Variants in ROBO2 observed in about 807,000 individuals in gnomAD.
ROBO2 encodes the protein roundabout guidance receptor 2.
ROBO2 carries 53 observed loss-of-function variants against 160.8 expected under a neutral mutation model. The observed-to-expected ratio is 0.33, with a 90% CI of 0.26 to 0.41. The LOEUF (loss-of-function observed/expected upper bound fraction) is 0.41. Among genes scored for constraint, ROBO2 ranks in the 10% least tolerant of loss-of-function variants. The pLI, the probability that ROBO2 is intolerant of heterozygous loss-of-function variation, is 1.00. For missense variants in ROBO2, 1,577 were observed against 1,722.4 expected (o/e 0.92, Z 1.49); for synonymous variants, 664 against 611.7 (o/e 1.09, Z -1.26).
intron 2 of ROBO2, among the ~76,000 whole-genome samples, chr3:77,125,511 C>A (rs1276565842): frequency 6.6e-6 from 1 of 152,074 alleles, no homozygotes; most frequent in African/African-American, 2.4e-5. Flanking sequence ...CACTGATAGG[C>A]ACACAATATT....
At chr3:76,580,443 A>G (rs1332795697) in intron 2 of ROBO2, among the ~76,000 whole-genome samples, 7 of 144,048 alleles carry the variant, frequency 4.9e-5, no homozygotes, top group African/African-American at 7.7e-5. Context: ...CTACTACGTG[A>G]TCATACCATT....
chr3:77,280,569 A>T (rs185741396), intron 2 of ROBO2, among the ~76,000 whole-genome samples: 22 of 152,350 alleles, frequency 1.4e-4, no homozygotes, highest in Non-Finnish European at 2.4e-4. Flanking sequence ...ATAGACCTAC[A>T]GACATAAAAA....
At chr3:76,012,050 T>C (rs1214602469) in intron 2 of ROBO2, among the ~76,000 whole-genome samples, 1 of 152,228 alleles carries the variant, frequency 6.6e-6, no homozygotes, top group Non-Finnish European at 1.5e-5. Flanking sequence ...TTAGTAGCAA[T>C]ACAAACTCTT....
chr3:77,374,703 T>C (rs953994264), intron 2 of ROBO2, among the ~76,000 whole-genome samples: 4 of 152,222 alleles, frequency 2.6e-5, no homozygotes, highest in African/African-American at 9.6e-5. Context: ...TAAAATATAC[T>C]TTGCTGCCAG....
intron 2 of ROBO2, among the ~76,000 whole-genome samples, chr3:76,569,915 A>C (rs1026961707): frequency 6.6e-6 from 1 of 152,188 alleles, no homozygotes. Flanking sequence ...GCTTGAACTC[A>C]GGAGTTCAAG....
chr3:76,702,991 A>G (rs957466237), intron 2 of ROBO2, among the ~76,000 whole-genome samples: 1 of 152,142 alleles, frequency 6.6e-6, no homozygotes, highest in Non-Finnish European at 1.5e-5. Context: ...GTTGAAGACC[A>G]TATGAAAATC....
intron 2 of ROBO2, among the ~76,000 whole-genome samples, chr3:77,161,331 T>A (rs1377741784): frequency 6.6e-6 from 1 of 152,220 alleles, no homozygotes; most frequent in East Asian, 1.9e-4. Flanking sequence ...AATATGGGAC[T>A]ATTCAAATAT....
rs59815528 is a variant in ROBO2, at chr3:76,094,134, TCA to T, written c.109+156553_109+156554del. The stretch of plus-strand genomic sequence containing the variant: ...AACAATCTCGAGTGCACACTCGCAC[TCA>T]CACACACACACACACACACAAGCAC... On this transcript the variant is annotated intron_variant, in intron 2 of 26. Coordinates refer to the ROBO2 transcript ENST00000487694. Among the ~76,000 whole-genome samples the T allele has an allele frequency of 1.4e-3, 204 of 148,082 alleles. No individual in the cohort carries two copies. In the South Asian group the frequency reaches 0.015, roughly 11 times the overall value.
intron 2 of ROBO2, among the ~76,000 whole-genome samples, chr3:76,606,348 T>G (rs1484529543): frequency 6.6e-6 from 1 of 152,026 alleles, no homozygotes; most frequent in Non-Finnish European, 1.5e-5. Context: ...AACAAAACAC[T>G]CCAAAGATGA....
At chr3:76,961,601 C>G (rs1450312927) in intron 2 of ROBO2, among the ~76,000 whole-genome samples, 5 of 152,090 alleles carry the variant, frequency 3.3e-5, no homozygotes, top group Non-Finnish European at 7.4e-5. Context: ...ATCACACAGA[C>G]CAGAGTTTGA....
chr3:77,007,956 T>G (rs1345262410), intron 2 of ROBO2, among the ~76,000 whole-genome samples: 1 of 152,054 alleles, frequency 6.6e-6, no homozygotes, highest in Non-Finnish European at 1.5e-5. Context: ...CTGCATAATT[T>G]AATCCAATTT....
intron 2 of ROBO2, among the ~76,000 whole-genome samples, chr3:76,810,909 T>A (rs926989071): frequency 6.6e-6 from 1 of 152,142 alleles, no homozygotes; most frequent in Non-Finnish European, 1.5e-5. Flanking sequence ...AGTGACAGTA[T>A]GTGAGATGAA....
chr3:76,704,769 G>A (rs977166638), intron 2 of ROBO2, among the ~76,000 whole-genome samples: 2 of 152,022 alleles, frequency 1.3e-5, no homozygotes, highest in African/African-American at 4.8e-5. Flanking sequence ...TTGCAGAAAG[G>A]TGCCAAAAAT....
intron 19 of ROBO2, among the ~76,000 whole-genome samples, chr3:77,601,409 C>T (rs1340546290): frequency 6.6e-6 from 1 of 152,142 alleles, no homozygotes; most frequent in African/African-American, 2.4e-5. Context: ...AGGAGAGAGG[C>T]AGCAGTTCTG....
intron 2 of ROBO2, among the ~76,000 whole-genome samples, chr3:76,290,787 T>A (rs1478801779): frequency 6.6e-6 from 1 of 152,100 alleles, no homozygotes; most frequent in Non-Finnish European, 1.5e-5. Context: ...ATCATGTAGT[T>A]TTTATTTTTG....
intron 2 of ROBO2, among the ~76,000 whole-genome samples, chr3:76,202,810 G>A (rs1172439535): frequency 6.6e-6 from 1 of 151,136 alleles, no homozygotes; most frequent in Non-Finnish European, 1.5e-5. Context: ...GTTTCTCTTT[G>A]TTCTGGAGAT....
At chr3:77,340,808 C>T (rs1421727901) in intron 2 of ROBO2, among the ~76,000 whole-genome samples, 1 of 152,072 alleles carries the variant, frequency 6.6e-6, no homozygotes, top group Non-Finnish European at 1.5e-5. Flanking sequence ...GAAAGCATTT[C>T]ATATGGCAGC....
chr3:76,939,979 ATTTTTT>A (rs71104641), intron 2 of ROBO2, among the ~76,000 whole-genome samples: 36 of 120,524 alleles, frequency 3.0e-4, no homozygotes, highest in Non-Finnish European at 2.9e-4. Flanking sequence ...AAGCAACAGG[ATTTTTT>A]TTTTTTTTTT....
At chr3:76,435,168 G>A in intron 2 of ROBO2, 2 of 1,033,506 alleles carry the variant, frequency 1.9e-6, no homozygotes, top group Non-Finnish European at 3.1e-6. Context: ...GGGCATTGTG[G>A]AGATAATCAA....
Sources: allele counts gnomAD v4.1 joint callset (sites outside exome capture counted in the v4.1 genomes callset), GRCh38; gene constraint gnomAD v4.1.1; transcripts MANE v1.5; gene names NCBI Gene and HGNC (gene_info 2026-07-23, HGNC 2026-07-21).